The following MIPEP variants were observed in gnomAD, a reference collection of about 807,000 sequenced individuals.
The protein encoded by MIPEP is mitochondrial intermediate peptidase.
Under a neutral mutation model 90.3 loss-of-function variants are expected in MIPEP, and 79 were observed. That is an observed-to-expected ratio of 0.87 (90% CI 0.73 to 1.05). The LOEUF (loss-of-function observed/expected upper bound fraction) is 1.05. Among genes scored for constraint, MIPEP ranks in the 50% least tolerant of loss-of-function variants. The pLI is 0.00. For missense variants in MIPEP, 940 were observed against 905.6 expected (o/e 1.04, Z -0.49); for synonymous variants, 334 against 315.8 (o/e 1.06, Z -0.61).
chr13:23,871,155 G>A (rs1870788639), intron 5 of MIPEP, among the ~76,000 whole-genome samples: 1 of 152,226 alleles, frequency 6.6e-6, no homozygotes, highest in Admixed American at 6.5e-5. Context: ...CCTGCCATGT[G>A]GCACATGGTC....
At chr13:23,765,941 T>C (rs1952587873) in intron 16 of MIPEP, 1 of 152,312 alleles carries the variant, frequency 6.6e-6, no homozygotes, top group Non-Finnish European at 1.5e-5. Flanking sequence ...TTAAATACAT[T>C]GACTATATAC....
intron 16 of MIPEP, among the ~76,000 whole-genome samples, chr13:23,802,895 AT>A (rs1953060914): frequency 6.6e-6 from 1 of 152,192 alleles, no homozygotes. Flanking sequence ...TAACATAAGC[AT>A]TCTGAGCACA....
chr13:23,855,294 C>T (rs1011512726), intron 10 of MIPEP, among the ~76,000 whole-genome samples: 4 of 152,120 alleles, frequency 2.6e-5, no homozygotes, highest in Non-Finnish European at 4.4e-5. Flanking sequence ...TATACTACTA[C>T]GGTATTTTCC....
intron 10 of MIPEP, among the ~76,000 whole-genome samples, chr13:23,850,934 G>GA (rs1192633467): frequency 7.9e-5 from 12 of 152,226 alleles, no homozygotes; most frequent in African/African-American, 1.2e-4. Context: ...AGGGAGGAAT[G>GA]AAAACCTAGT....
intron 16 of MIPEP, among the ~76,000 whole-genome samples, chr13:23,796,608 C>A (rs546615326): frequency 2.0e-5 from 3 of 151,460 alleles, no homozygotes; most frequent in Admixed American, 2.0e-4. Flanking sequence ...AAAAACTCCA[C>A]GTAGTAAATG....
In MIPEP at chr13:23,786,677, G is replaced by C. The variant is rs77097104; in HGVS notation, c.1848+19273C>G. Among the ~76,000 whole-genome samples, 618 of 152,104 alleles carry C rather than the reference G, an allele frequency of 4.1e-3. 7 individuals carry two copies. Among genetic ancestry groups the C allele is most frequent in the African/African-American group, 0.014 (581 of 41,530 alleles). The stretch of plus-strand genomic sequence containing the variant: ...AAATAAGGAAAGAGTGACTTTACTA[G>C]TAATACATGAATTGCAAGCACAACT... On this transcript the variant is annotated intron_variant, in intron 16 of 18. Transcript: ENST00000382172.
intron 3 of MIPEP, 146 bp downstream of exon 3, chr13:23,881,553 C>G (rs1224628026): frequency 4.5e-6 from 3 of 672,990 alleles, no homozygotes; most frequent in Non-Finnish European, 7.9e-6. Flanking sequence ...GTCCTGAGCC[C>G]TCCCTCCGGC....
intron 14 of MIPEP, among the ~76,000 whole-genome samples, chr13:23,834,215 C>T (rs889803994): frequency 3.9e-5 from 6 of 152,194 alleles, no homozygotes; most frequent in Admixed American, 2.0e-4. Context: ...CCCTGCGATC[C>T]GCTTCCTCCC....
intron 16 of MIPEP, among the ~76,000 whole-genome samples, chr13:23,772,267 CT>C (rs554848845): frequency 5.1e-4 from 78 of 152,002 alleles, no homozygotes; most frequent in African/African-American, 1.7e-3. Flanking sequence ...ATTGTCTCAT[CT>C]GAAGAATTTC....
intron 16 of MIPEP, among the ~76,000 whole-genome samples, chr13:23,780,053 G>A (rs1350828315): frequency 6.6e-6 from 1 of 152,248 alleles, no homozygotes; most frequent in Non-Finnish European, 1.5e-5. Flanking sequence ...ACAAAAGGCA[G>A]CAGAAACCTC....
chr13:23,787,255 T>C (rs1268367638), intron 16 of MIPEP, among the ~76,000 whole-genome samples: 1 of 152,236 alleles, frequency 6.6e-6, no homozygotes, highest in East Asian at 1.9e-4. Context: ...TTTCTCATAG[T>C]TCTGGAGGCT....
intron 4 of MIPEP, among the ~76,000 whole-genome samples, chr13:23,876,428 C>G (rs1419764118): frequency 6.6e-6 from 1 of 152,146 alleles, no homozygotes; most frequent in Non-Finnish European, 1.5e-5. Flanking sequence ...AAGTCCAACC[C>G]CGCAGTTCCA....
intron 18 of MIPEP, among the ~76,000 whole-genome samples, chr13:23,749,500 T>C (rs747799287): frequency 1.1e-4 from 17 of 152,124 alleles, no homozygotes; most frequent in South Asian, 6.2e-4. Flanking sequence ...CTGAAGTGAG[T>C]TTCCTTGTGA....
At chr13:23,813,518 GAC>G (rs1179876375) in intron 14 of MIPEP, among the ~76,000 whole-genome samples, 3 of 152,166 alleles carry the variant, frequency 2.0e-5, no homozygotes, top group African/African-American at 7.2e-5. Flanking sequence ...GTTCAGTACC[GAC>G]ACAACCATCC....
At chr13:23,822,457 T>C (rs1489327164) in intron 14 of MIPEP, among the ~76,000 whole-genome samples, 1 of 152,180 alleles carries the variant, frequency 6.6e-6, no homozygotes, top group African/African-American at 2.4e-5. Flanking sequence ...GGTAACCAAA[T>C]GCTCCTATTT....
chr13:23,838,786 G>A (rs1869168258), intron 12 of MIPEP, among the ~76,000 whole-genome samples: 1 of 152,106 alleles, frequency 6.6e-6, no homozygotes, highest in African/African-American at 2.4e-5. Context: ...AAGAACACTG[G>A]CCTCAGAGTC....
rs570601083 is a variant in MIPEP at position 23,850,042 on chromosome 13, A to C, written c.1107-8554T>G. 1.6e-3 allele frequency among the ~76,000 whole-genome samples: 246 copies of C among 152,354 alleles called. 2 individuals are homozygous for C. Among genetic ancestry groups the C allele is most frequent in the Middle Eastern group, 6.8e-3 (2 of 294 alleles). On this transcript the variant is annotated intron_variant, in intron 10 of 18. Transcript: ENST00000382172. ...TGAGTGAGAGCAAATGTGACAGAGA[A>C]CATGTGCACCAAATGGCAAATGCCC...
intron 5 of MIPEP, among the ~76,000 whole-genome samples, chr13:23,871,160 A>T (rs527495592): frequency 6.6e-6 from 1 of 152,236 alleles, no homozygotes; most frequent in South Asian, 2.1e-4. Context: ...CATGTGGCAC[A>T]TGGTCCTTGC....
chr13:23,781,373 G>C (rs1952780571), intron 16 of MIPEP, among the ~76,000 whole-genome samples: 1 of 152,138 alleles, frequency 6.6e-6, no homozygotes, highest in African/African-American at 2.4e-5. Context: ...AAGTGAAGGA[G>C]AAATAAAATA....
Sources: gnomAD v4.1 joint callset for allele counts (sites outside exome capture counted in the v4.1 genomes callset) on GRCh38, gnomAD v4.1.1 for gene constraint, MANE v1.5 for transcripts, NCBI Gene and HGNC (gene_info 2026-07-23, HGNC 2026-07-21) for gene names.